The following TXNDC8 variants were observed in gnomAD, a reference collection of about 807,000 sequenced individuals.
The protein encoded by TXNDC8 is thioredoxin domain-containing protein 8.
A neutral mutation model predicts 12.9 loss-of-function variants in TXNDC8; 15 were observed. That is an observed-to-expected ratio of 1.16 (90% CI 0.78 to 1.79). The LOEUF (loss-of-function observed/expected upper bound fraction) is 1.79, where lower values mean the gene tolerates loss of function less well. Among genes scored for constraint, TXNDC8 ranks in the 40% most tolerant of loss-of-function variants. The pLI is 0.00. For synonymous variants in TXNDC8, 40 were observed against 35.4 expected, an observed-to-expected ratio of 1.13 and a Z score of -0.46; for missense variants, 128 against 113.2, an observed-to-expected ratio of 1.13 and a Z score of -0.59.
At chr9:110,325,312 A>T (rs111613811) in intron 3 of TXNDC8, among the ~76,000 whole-genome samples, 214 of 152,276 alleles carry the variant, frequency 1.4e-3, no homozygotes, top group African/African-American at 4.8e-3. Context: ...AAAATTTATT[A>T]TGATTCATGT....
At chr9:110,334,795 C>T (rs1839684393) in intron 1 of TXNDC8, among the ~76,000 whole-genome samples, 1 of 152,064 alleles carries the variant, frequency 6.6e-6, no homozygotes, top group African/African-American at 2.4e-5. Flanking sequence ...ATCTATAATA[C>T]TGGATTTTTA....
In TXNDC8 at chr9:110,305,404, T is replaced by C. The variant is rs1294353487; in HGVS notation, c.196-872A>G. Among the ~76,000 whole-genome samples the C allele has an allele frequency of 2.0e-5, 3 of 152,142 alleles. No individual in the cohort carries two copies. In the East Asian group the frequency reaches 5.8e-4, roughly 29 times the overall value. ...CTGTGACAAATAGTGCTACTGTGGA[T>C]GTTCTTGTCCATATCTTTGTAGGGA... On this transcript the variant is annotated intron_variant, in intron 3 of 4. Coordinates refer to ENST00000423740, the MANE Select transcript of TXNDC8 (RefSeq NM_001286946.2).
At chr9:110,316,794 G>A (rs115092039) in intron 3 of TXNDC8, among the ~76,000 whole-genome samples, 2,191 of 152,306 alleles carry the variant, frequency 0.014, 50 homozygotes, top group African/African-American at 0.049. Flanking sequence ...CTTCTGTGTA[G>A]GGGTTGACAA....
At chr9:110,324,114 A>C (rs528486492) in intron 3 of TXNDC8, 15 of 1,337,960 alleles carry the variant, frequency 1.1e-5, no homozygotes, top group Non-Finnish European at 1.5e-5. Context: ...TCTAAACTCC[A>C]AGTTTTAAAG....
At chr9:110,320,461 G>T (rs958923773) in intron 3 of TXNDC8, among the ~76,000 whole-genome samples, 8 of 152,088 alleles carry the variant, frequency 5.3e-5, no homozygotes, top group Non-Finnish European at 7.4e-5. Context: ...TGGTCATGTG[G>T]AGCTGTGAAT....
At chr9:110,312,566 G>A (rs1838728069) in intron 3 of TXNDC8, among the ~76,000 whole-genome samples, 1 of 152,214 alleles carries the variant, frequency 6.6e-6, no homozygotes, top group African/African-American at 2.4e-5. Context: ...ATAGGCATTT[G>A]ATGGTACAAA....
Position 110,324,664 on chromosome 9 carries a change from GT to G in TXNDC8, c.195+1510del, listed in dbSNP as rs905208974. On this transcript the variant is annotated intron_variant, in intron 3 of 4. Coordinates refer to ENST00000423740, the MANE Select transcript of TXNDC8 (RefSeq NM_001286946.2). The stretch of plus-strand genomic sequence containing the variant: ...TACAAATATTATTATATATGAAACT[GT>G]TTTTTTTTCCTTGAGGTATTTCTGT... Among the ~76,000 whole-genome samples the G allele has an allele frequency of 2.7e-4, 41 of 150,916 alleles. No homozygotes were observed. The South Asian group carries it at 5.7e-3, about 21-fold the overall frequency.
chr9:110,311,982 A>G (rs968306161), intron 3 of TXNDC8, among the ~76,000 whole-genome samples: 54 of 151,440 alleles, frequency 3.6e-4, no homozygotes, highest in African/African-American at 1.3e-3. Flanking sequence ...TCCACCTCCC[A>G]GGTTCAAGCA....
chr9:110,319,502 C>T (rs1307982505), intron 3 of TXNDC8, among the ~76,000 whole-genome samples: 1 of 152,120 alleles, frequency 6.6e-6, no homozygotes, highest in Non-Finnish European at 1.5e-5. Flanking sequence ...AGGTGGTGTC[C>T]TCATTTTACA....
At chr9:110,317,079 A>G (rs1405510134) in intron 3 of TXNDC8, among the ~76,000 whole-genome samples, 2 of 152,232 alleles carry the variant, frequency 1.3e-5, no homozygotes, top group East Asian at 3.8e-4. Context: ...AGTCAGTACA[A>G]TGTGGCTTTC....
chr9:110,305,278 A>G (rs999240444), intron 3 of TXNDC8, among the ~76,000 whole-genome samples: 1 of 152,134 alleles, frequency 6.6e-6, no homozygotes, highest in African/African-American at 2.4e-5. Context: ...TCCACTCAAC[A>G]TGATGTTTAT....
At chr9:110,324,022 A>G (rs1232329029) in intron 3 of TXNDC8, 2 of 1,547,546 alleles carry the variant, frequency 1.3e-6, no homozygotes, top group Non-Finnish European at 1.7e-6. Flanking sequence ...ACATGGGATA[A>G]GAATGCAAAA....
rs147198279 is a variant in TXNDC8, at chr9:110,312,169, A to G, written c.196-7637T>C. Among the ~76,000 whole-genome samples, 6 of 152,262 alleles carry G rather than the reference A, an allele frequency of 3.9e-5. No individual in the cohort carries two copies. In the East Asian group the frequency reaches 9.6e-4, roughly 24 times the overall value. On this transcript the variant is annotated intron_variant, in intron 3 of 4. Transcript: ENST00000423740. ...TTTGCTTTATTGACAGCTTTTAATA[A>G]TTTAGTATACTCCTATGAACAAAAT...
At chr9:110,315,109 T>G (rs944041415) in intron 3 of TXNDC8, among the ~76,000 whole-genome samples, 8 of 152,240 alleles carry the variant, frequency 5.3e-5, no homozygotes, top group African/African-American at 1.4e-4. Flanking sequence ...GGCAGGTTTT[T>G]TTTTGTTTTG....
chr9:110,330,395 C>T (rs536266162), intron 2 of TXNDC8, among the ~76,000 whole-genome samples: 18 of 152,292 alleles, frequency 1.2e-4, no homozygotes, highest in African/African-American at 4.3e-4. Flanking sequence ...CTAAAATTGT[C>T]CTATTGGACT....
intron 2 of TXNDC8, among the ~76,000 whole-genome samples, chr9:110,326,998 T>A (rs1286557924): frequency 6.8e-6 from 1 of 147,980 alleles, no homozygotes; most frequent in Non-Finnish European, 1.5e-5. Context: ...TGTATTATAA[T>A]TTTTCATGAC....
intron 1 of TXNDC8, among the ~76,000 whole-genome samples, chr9:110,337,134 T>G (rs544077061): frequency 6.8e-4 from 104 of 152,324 alleles, no homozygotes; most frequent in Middle Eastern, 3.4e-3. Context: ...AGGCTGCTGG[T>G]GGACATGAGG....
intron 3 of TXNDC8, among the ~76,000 whole-genome samples, chr9:110,322,249 C>A (rs1839131326): frequency 6.6e-6 from 1 of 151,684 alleles, no homozygotes; most frequent in African/African-American, 2.4e-5. Context: ...AAATTGAATC[C>A]TCAATAAAAC....
intron 3 of TXNDC8, among the ~76,000 whole-genome samples, chr9:110,313,709 C>G (rs1838775446): frequency 6.6e-6 from 1 of 152,114 alleles, no homozygotes; most frequent in Non-Finnish European, 1.5e-5. Flanking sequence ...TCAAAACAAA[C>G]AAATAACAAA....
Sources: allele counts gnomAD v4.1 joint callset (sites outside exome capture counted in the v4.1 genomes callset), GRCh38; gene constraint gnomAD v4.1.1; transcripts MANE v1.5; gene names NCBI Gene and HGNC (gene_info 2026-07-23, HGNC 2026-07-21).